Variants in VPS11 observed in about 807,000 individuals in gnomAD.
VPS11 encodes the protein vacuolar protein sorting-associated protein 11 homolog.
VPS11 carries 51 observed loss-of-function variants against 106.8 expected under a neutral mutation model. The observed-to-expected ratio is 0.48, with a 90% confidence interval of 0.38 to 0.60. VPS11 has a LOEUF of 0.60. Ranked by LOEUF, VPS11 falls within the 20% of genes least tolerant of loss-of-function variation. The pLI, the probability that VPS11 is intolerant of heterozygous loss-of-function variation, is 0.00. For missense variants in VPS11, 950 were observed against 1,190.0 expected, an observed-to-expected ratio of 0.80 and a Z score of 2.97; for synonymous variants, 453 against 458.7, an observed-to-expected ratio of 0.99 and a Z score of 0.16.
chr11:119,071,431 A>G (rs1241157201), intron 4 of VPS11, among the ~76,000 whole-genome samples, 165 bp from the exon 5 acceptor site: 3 of 152,192 alleles, frequency 2.0e-5, no homozygotes, highest in African/African-American at 7.2e-5. Context: ...CTGGTTATAT[A>G]TTTAATAGAT....
intron 7 of VPS11, 198 bp from the exon 8 acceptor site, chr11:119,076,699 C>T: frequency 1.7e-6 from 1 of 592,524 alleles, no homozygotes; most frequent in South Asian, 2.5e-5. Flanking sequence ...TGCTCTGGAG[C>T]CTTGTTACCC....
At chr11:119,075,956 AGTGACTC>A (rs1945597590) in intron 7 of VPS11, among the ~76,000 whole-genome samples, 1 of 149,226 alleles carries the variant, frequency 6.7e-6, no homozygotes, top group Non-Finnish European at 1.5e-5. Flanking sequence ...GCCAGGGGGC[AGTGACTC>A]ACGCCTGTAA....
Position 119,081,572 on chromosome 11 carries a change from G to C in VPS11, c.2775G>C (p.Leu925=). 2 of 1,614,016 alleles carry C rather than the reference G, an allele frequency of 1.2e-6. No homozygotes were observed. The highest frequency in any genetic ancestry group is 1.7e-6 in the Non-Finnish European group (2 of 1,179,898). ...CCACAGCCAGACTGACCTCCAGCCT[G>C]GAGGCTGGGCTGCAACGCGACCTAC... ...DPPTARLTSS[L]EAGLQRDLLM... is the part of the protein sequence containing the mutation. The change falls in exon 16 of 16, where the codon CTG becomes CTC. Residue 925 remains leucine (L), a synonymous_variant. Coordinates refer to ENST00000621676, the MANE Select transcript of VPS11 (RefSeq NM_021729.6).
At position 119,076,634 on chromosome 11, in the gene VPS11, G is replaced by A. The variant is rs117412957; in HGVS notation, c.1239-263G>A. Reference sequence around the variant, plus strand: ...TAATAATATAAAAAGAAACCTGTTTGGCCTCTTCCCCGTTCTCTTTAGAAT... The same window carrying A: ...TAATAATATAAAAAGAAACCTGTTTAGCCTCTTCCCCGTTCTCTTTAGAAT... On this transcript the variant is annotated intron_variant, in intron 7 of 15. Coordinates refer to ENST00000621676, the MANE Select transcript of VPS11 (RefSeq NM_021729.6). Among the ~76,000 whole-genome samples the A allele has an allele frequency of 8.6e-4, 131 of 152,196 alleles. No individual in the cohort carries two copies. In the East Asian group the frequency reaches 0.015, roughly 18 times the overall value.
At chr11:119,074,174 T>G (rs1483414865) in intron 7 of VPS11, among the ~76,000 whole-genome samples, 2 of 152,052 alleles carry the variant, frequency 1.3e-5, no homozygotes, top group Admixed American at 6.6e-5. Flanking sequence ...CAACCTTCCC[T>G]CCTGGGTTCA....
rs1337491973 is a variant in VPS11 at position 119,070,278 on chromosome 11, CG to C, written c.520del (p.Asp174ThrfsTer16). 5 of 1,612,732 alleles carry C rather than the reference CG, an allele frequency of 3.1e-6. No homozygotes were observed. The highest frequency in any genetic ancestry group is 4.2e-6 in the Non-Finnish European group (5 of 1,179,304). On this transcript the variant is annotated frameshift_variant, in exon 4 of 16. Transcript: ENST00000621676. LOFTEE classifies it high-confidence loss of function. ...TACATTGAACAAAGGAGACATCACC[CG>C]GGACCGGCATAGCAAGACCCAGATT... is the stretch of plus-strand genomic sequence containing the variant. ...SVTLNKGDIT[R>X]DRHSKTQILH...
intron 10 of VPS11, 51 bp from the exon 11 acceptor site, chr11:119,078,122 G>A (rs1250584000): frequency 2.5e-6 from 4 of 1,609,500 alleles, no homozygotes; most frequent in Admixed American, 1.7e-5. Context: ...AGGGCTTCCT[G>A]TATATCACGC....
chr11:119,067,885 C>T lies in VPS11; in HGVS notation c.62C>T (p.Pro21Leu). 5 of 1,586,114 alleles carry T rather than the reference C, an allele frequency of 3.2e-6. No individual in the cohort carries two copies. Among genetic ancestry groups the T allele is most frequent in the Non-Finnish European group, 4.3e-6 (5 of 1,166,054 alleles). ...VFFDKELVKEPLSNDGAAPGA... is the reference protein window; with the variant it reads ...VFFDKELVKELLSNDGAAPGA... ...TTCGACAAGGAGCTGGTGAAGGAGC[C>T]GCTGAGCAATGATGGGGCCGCTCCC... The change falls in exon 1 of 16, where the codon CCG becomes CTG. Residue 21 changes from proline (P) to leucine (L), a missense_variant. Coordinates refer to ENST00000621676, the MANE Select transcript of VPS11 (RefSeq NM_021729.6).
intron 1 of VPS11, among the ~76,000 whole-genome samples, chr11:119,068,812 C>T (rs910254681): frequency 6.6e-6 from 1 of 151,676 alleles, no homozygotes; most frequent in Admixed American, 6.6e-5. Context: ...AGTGCAATGG[C>T]ATGATCTGGG....
chr11:119,071,568 C>T (rs943703617), intron 4 of VPS11, 28 bp from the exon 5 acceptor site: 2 of 1,611,796 alleles, frequency 1.2e-6, no homozygotes, highest in Admixed American at 3.3e-5. Flanking sequence ...TCAAAGGAGC[C>T]TGTTAACCCC....
chr11:119,076,466 C>A (rs1239116425), intron 7 of VPS11, among the ~76,000 whole-genome samples: 1 of 150,386 alleles, frequency 6.6e-6, no homozygotes, highest in Non-Finnish European at 1.5e-5. Context: ...GCAGAGGTTG[C>A]GGTGGGCTGA....
intron 3 of VPS11, 32 bp from the exon 4 acceptor site, chr11:119,070,202 C>G: frequency 6.3e-7 from 1 of 1,582,796 alleles, no homozygotes; most frequent in African/African-American, 1.3e-5. Flanking sequence ...TCTTTTCAGC[C>G]TTACTGAAGT....
Position 119,076,935 on chromosome 11 carries a change from A to G in VPS11, c.1277A>G (p.Lys426Arg). The G allele has an allele frequency of 6.2e-7, 1 of 1,614,024 alleles. No homozygotes were observed. The highest frequency in any genetic ancestry group is 8.5e-7 in the Non-Finnish European group (1 of 1,179,904). ...TTGGAGCCATCCTACGTGATCCGCA[A>G]GTTTCTGGATGCCCAGCGCATTCAC... ...GKLEPSYVIR[K>R]FLDAQRIHNL... Residue 426 changes from lysine (K) to arginine (R), a missense_variant, in exon 8 of 16, where the codon AAG (lysine) becomes AGG (arginine). Around this residue, in one of 3 missense-constraint regions of VPS11, gnomAD observed 435 missense variants for 630.2 expected, o/e 0.69. Coordinates refer to ENST00000621676, the MANE Select transcript of VPS11 (RefSeq NM_021729.6).
intron 6 of VPS11, 152 bp downstream of exon 6, chr11:119,073,551 T>A: frequency 9.4e-7 from 1 of 1,059,058 alleles, no homozygotes; most frequent in Non-Finnish European, 1.3e-6. Flanking sequence ...GTAAATGGCC[T>A]GGGATGGGGC....
Position 119,078,927 on chromosome 11 carries a change from G to A in VPS11, c.2196G>A (p.Glu732=), listed in dbSNP as rs781834660. 1 of 1,614,068 alleles carries A rather than the reference G, an allele frequency of 6.2e-7. No individual in the cohort carries two copies. The highest frequency in any genetic ancestry group is 8.5e-7 in the Non-Finnish European group (1 of 1,179,912). Residue 732 remains glutamate (E), a synonymous_variant, in exon 13 of 16, where the codon GAG becomes GAA. Coordinates refer to ENST00000621676, the MANE Select transcript of VPS11 (RefSeq NM_021729.6). The part of the protein sequence containing the change: ...QALSYFARKE[E]DCKEYVAAVL... Reference sequence around the variant, plus strand: ...TCAGCTACTTCGCTCGCAAGGAGGAGGACTGCAAGGAGTATGTGGCAGCTG... The same window carrying A: ...TCAGCTACTTCGCTCGCAAGGAGGAAGACTGCAAGGAGTATGTGGCAGCTG...
At position 119,078,602 on chromosome 11, in the gene VPS11, T is replaced by C. The variant is rs782504376; in HGVS notation, c.1961T>C (p.Leu654Pro). The change falls in exon 12 of 16, where the codon CTG becomes CCG. Residue 654 changes from leucine (L) to proline (P), a missense_variant. Physicochemically the swap from Leu to Pro is moderately conservative, Grantham distance 98. Coordinates refer to ENST00000621676, the MANE Select transcript of VPS11 (RefSeq NM_021729.6). ...CTTCACGCAGAGGCCATTTCCCTGC[T>C]GAAGAGTGGTCGCTTCTGCGACGTC... is the stretch of plus-strand genomic sequence containing the variant. ...EKLHAEAISL[L>P]KSGRFCDVFD... is the part of the protein sequence containing the mutation. The C allele has an allele frequency of 9.3e-6, 15 of 1,613,820 alleles. No homozygotes were observed. The highest frequency in any genetic ancestry group is 1.3e-5 in the Non-Finnish European group (15 of 1,179,700).
chr11:119,068,772 A>G (rs1592175214), intron 1 of VPS11, among the ~76,000 whole-genome samples: 1 of 125,910 alleles, frequency 7.9e-6, no homozygotes, highest in South Asian at 2.5e-4. Context: ...TTTTTTTGAG[A>G]CGGACTTTCA....
rs1448621623 is a variant in VPS11 at position 119,073,366 on chromosome 11, A to C, written c.1053A>C (p.Ala351=). The change falls in exon 6 of 16, where the codon GCA becomes GCC. Residue 351 remains alanine (A), a synonymous_variant. Transcript: ENST00000621676. ...TGACGCGGGATGGGCGGGTCCACGC[A>C]CTGCAGGAGAAGGACACACAGACCA... ...YVLTRDGRVH[A]LQEKDTQTKL... 1.9e-6 allele frequency: 3 copies of C among 1,613,468 alleles called. No individual in the cohort carries two copies. The highest frequency in any genetic ancestry group is 2.5e-6 in the Non-Finnish European group (3 of 1,179,878).
Position 119,081,619 on chromosome 11 carries a change from C to T in VPS11, c.2822C>T (p.Thr941Ile). The T allele has an allele frequency of 1.2e-6, 2 of 1,613,756 alleles. No individual in the cohort carries two copies. The highest frequency in any genetic ancestry group is 1.7e-6 in the Non-Finnish European group (2 of 1,179,794). Residue 941 changes from threonine (T) to isoleucine (I), a missense_variant, in exon 16 of 16, where the codon ACT (threonine) becomes ATT (isoleucine). Thr to Ile is a moderately conservative substitution (Grantham distance 89). Transcript: ENST00000621676. ...CTACTCATGCACTCCAGGAGGGGCA[C>T]TTAAGCAGCCTGGAGGAAGATGTGG... ...RDLLMHSRRG[T>I]
Sources: allele counts gnomAD v4.1 joint callset (sites outside exome capture counted in the v4.1 genomes callset), GRCh38; gene constraint gnomAD v4.1.1; regional missense constraint gnomAD v4.1.1; transcripts MANE v1.5; gene names NCBI Gene and HGNC (gene_info 2026-07-23, HGNC 2026-07-21).